SNX16: variants seen among roughly 807,000 people sequenced by gnomAD.
SNX16 encodes sorting nexin 16, also known as sorting nexin-16.
In SNX16, 35 loss-of-function variants were observed where a neutral mutation model predicts 36.7. The ratio of observed to expected loss-of-function variants is 0.95; its 90% CI spans 0.73 to 1.27. SNX16 has a LOEUF of 1.27. Among genes scored for constraint, SNX16 ranks in the 50% most tolerant of loss-of-function variants. The pLI, the probability that SNX16 is intolerant of heterozygous loss-of-function variation, is 0.00. For synonymous variants in SNX16, 134 were observed against 132.0 expected (o/e 1.02, Z -0.10); for missense variants, 367 against 393.6 (o/e 0.93, Z 0.57).
chr8:81,838,085 C>T (rs2130772121), intron 2 of SNX16, among the ~76,000 whole-genome samples: 2 of 152,116 alleles, frequency 1.3e-5, no homozygotes, highest in South Asian at 4.2e-4. Flanking sequence ...CATAAAAGGA[C>T]AAATTATATA....
intron 5 of SNX16, among the ~76,000 whole-genome samples, chr8:81,806,408 AC>A (rs758120209): frequency 2.0e-5 from 3 of 152,206 alleles, no homozygotes; most frequent in Non-Finnish European, 4.4e-5. Context: ...ATTAAAAAAA[AC>A]CCATATGATC....
rs183312343 is a variant in SNX16, at chr8:81,803,380, C to A, written c.682-152G>T. On this transcript the variant is annotated intron_variant, in intron 5 of 7. Coordinates refer to ENST00000345957, the MANE Select transcript of SNX16 (RefSeq NM_152836.3). ...GAAACTCCAAATGATTTGTTCTCTA[C>A]CCTCATCTTTTTAGGTCACTGGTAT... 6.3e-4 allele frequency: 525 copies of A among 831,218 alleles called. 2 individuals carry two copies. The highest frequency in any genetic ancestry group is 7.0e-4 in the Non-Finnish European group (393 of 561,400). 51.5% of individuals were successfully genotyped at this position (831,218 alleles called of 1,614,324 possible).
intron 5 of SNX16, among the ~76,000 whole-genome samples, chr8:81,807,517 TCAAAAAA>T (rs1563432123): frequency 4.4e-5 from 1 of 22,532 alleles, no homozygotes; most frequent in Non-Finnish European, 7.0e-5. Context: ...AGACTCTGTC[TCAAAAAA>T]AAAAAAAAAA....
intron 2 of SNX16, among the ~76,000 whole-genome samples, chr8:81,837,809 A>T (rs1316174153): frequency 1.3e-5 from 2 of 152,194 alleles, no homozygotes; most frequent in Non-Finnish European, 2.9e-5. Context: ...CCATCAGTTT[A>T]TATTTTCTAA....
intron 3 of SNX16, among the ~76,000 whole-genome samples, chr8:81,826,437 C>A (rs1563448358): frequency 6.6e-6 from 1 of 152,106 alleles, no homozygotes; most frequent in African/African-American, 2.4e-5. Flanking sequence ...CAGAAATGTT[C>A]AGCTTTGTCC....
chr8:81,841,340 T>TC (rs959716072), intron 1 of SNX16, among the ~76,000 whole-genome samples: 2 of 73,218 alleles, frequency 2.7e-5, no homozygotes, highest in African/African-American at 1.1e-4. Flanking sequence ...AAACTCCGTC[T>TC]CAAAAAAAAA....
chr8:81,840,129 C>T, intron 1 of SNX16, 47 bp from the exon 2 acceptor site: 1 of 924,590 alleles, frequency 1.1e-6, no homozygotes. Context: ...TAATGTGCAG[C>T]AGGATTCAAA....
At chr8:81,824,912 G>T (rs887666390) in intron 3 of SNX16, among the ~76,000 whole-genome samples, 1 of 152,130 alleles carries the variant, frequency 6.6e-6, no homozygotes, top group African/African-American at 2.4e-5. Context: ...ACTGTCTGAA[G>T]TTCACTCACT....
intron 4 of SNX16, among the ~76,000 whole-genome samples, chr8:81,819,434 T>C (rs1044376595): frequency 6.6e-6 from 1 of 152,104 alleles, no homozygotes. Context: ...TTTCCTATCA[T>C]TTGCAAAGTC....
intron 5 of SNX16, among the ~76,000 whole-genome samples, chr8:81,811,377 G>C (rs577322511): frequency 6.6e-6 from 1 of 152,102 alleles, no homozygotes; most frequent in Non-Finnish European, 1.5e-5. Context: ...GATGGGAAAG[G>C]ATTCAGCAGA....
chr8:81,821,260 C>G (rs1810728486), intron 4 of SNX16, among the ~76,000 whole-genome samples: 1 of 151,844 alleles, frequency 6.6e-6, no homozygotes, highest in Non-Finnish European at 1.5e-5. Flanking sequence ...TACCACTGTT[C>G]TGAGCTATGC....
chr8:81,808,430 A>G (rs1443266060), intron 5 of SNX16: 1 of 1,146,626 alleles, frequency 8.7e-7, no homozygotes, highest in Non-Finnish European at 1.3e-6. Flanking sequence ...GTTGTGGAGG[A>G]AACTTCAGGG....
chr8:81,838,237 A>G (rs1467386720), intron 2 of SNX16, among the ~76,000 whole-genome samples: 3 of 152,174 alleles, frequency 2.0e-5, no homozygotes, highest in Admixed American at 2.0e-4. Context: ...AAATGACTTA[A>G]GTAAATGGAT....
chr8:81,810,769 G>C (rs536381135), intron 5 of SNX16, among the ~76,000 whole-genome samples: 2 of 152,208 alleles, frequency 1.3e-5, no homozygotes, highest in African/African-American at 4.8e-5. Context: ...TGCTATTGGT[G>C]TCTAATATGT....
intron 4 of SNX16, among the ~76,000 whole-genome samples, chr8:81,821,011 AG>A (rs1810718596): frequency 6.6e-6 from 1 of 151,206 alleles, no homozygotes; most frequent in African/African-American, 2.4e-5. Flanking sequence ...GTGAGTACCA[AG>A]GCACAAGTAC....
chr8:81,813,607 T>G (rs1213319888), intron 5 of SNX16, among the ~76,000 whole-genome samples: 1 of 151,848 alleles, frequency 6.6e-6, no homozygotes, highest in African/African-American at 2.4e-5. Flanking sequence ...TTAAAAACTT[T>G]TGCACTTCAA....
rs1811673911 is a variant in SNX16, at chr8:81,840,055, C to T, written c.-69G>A. The T allele has an allele frequency of 2.0e-6, 3 of 1,482,818 alleles. No individual in the cohort carries two copies. The highest frequency in any genetic ancestry group is 2.7e-6 in the Non-Finnish European group (3 of 1,113,670). The allele number at this position is 1,482,818 out of a possible 1,614,324, so 91.9% of individuals were successfully genotyped here. ...CTTAGAGAACAACTAATATGCAATCCATTATTTTCTTCTTAGGAATTCACT... is the reference window on the plus strand; with the variant it reads ...CTTAGAGAACAACTAATATGCAATCTATTATTTTCTTCTTAGGAATTCACT... On this transcript the variant is annotated 5_prime_UTR_variant, in exon 2 of 8. An upstream start codon of the reference 5' UTR is lost. Transcript: ENST00000345957.
At chr8:81,822,268 G>A (rs1000874456) in intron 4 of SNX16, among the ~76,000 whole-genome samples, 1 of 151,996 alleles carries the variant, frequency 6.6e-6, no homozygotes, top group African/African-American at 2.4e-5. Context: ...GGGTTGGATG[G>A]GGTAGTAGTG....
At chr8:81,809,610 A>G (rs1810131349) in intron 5 of SNX16, among the ~76,000 whole-genome samples, 1 of 152,222 alleles carries the variant, frequency 6.6e-6, no homozygotes, top group African/African-American at 2.4e-5. Flanking sequence ...TAATCAAGAA[A>G]ATTAGGCTAA....
Sources: allele counts gnomAD v4.1 joint callset (sites outside exome capture counted in the v4.1 genomes callset), GRCh38; gene constraint gnomAD v4.1.1; transcripts MANE v1.5; gene names NCBI Gene and HGNC (gene_info 2026-07-23, HGNC 2026-07-21).